The following ANKS1B variants were observed in gnomAD, a reference collection of about 807,000 sequenced individuals.
The protein encoded by ANKS1B is ankyrin repeat and sterile alpha motif domain containing 1B, also known as ankyrin repeat and sterile alpha motif domain-containing protein 1B.
Under a neutral mutation model 148.3 loss-of-function variants are expected in ANKS1B, and 36 were observed. The observed-to-expected ratio is 0.24, with a 90% CI of 0.19 to 0.32. ANKS1B has a LOEUF of 0.32. Ranked by LOEUF, ANKS1B falls within the 10% of genes least tolerant of loss-of-function variation. The pLI is 1.00. For missense variants in ANKS1B, 1,157 were observed against 1,542.6 expected, an observed-to-expected ratio of 0.75 and a Z score of 4.19; for synonymous variants, 542 against 560.8, an observed-to-expected ratio of 0.97 and a Z score of 0.47.
intron 17 of ANKS1B, among the ~76,000 whole-genome samples, chr12:98,882,123 T>C (rs1297481548): frequency 1.3e-5 from 2 of 152,268 alleles, no homozygotes; most frequent in East Asian, 1.9e-4. Flanking sequence ...TTACATAACA[T>C]TGGTGACATA....
At chr12:99,399,171 C>G (rs1025948221) in intron 12 of ANKS1B, among the ~76,000 whole-genome samples, 7 of 152,060 alleles carry the variant, frequency 4.6e-5, no homozygotes, top group Admixed American at 2.0e-4. Flanking sequence ...TCACACCCAG[C>G]ATTTTCTCCC....
chr12:99,909,369 C>T (rs1022016478), intron 1 of ANKS1B, among the ~76,000 whole-genome samples: 3 of 151,988 alleles, frequency 2.0e-5, no homozygotes, highest in Admixed American at 1.3e-4. Context: ...GCTCAGATAT[C>T]TTGACAAGGT....
At chr12:98,812,802 C>T (rs905679966) in intron 19 of ANKS1B, among the ~76,000 whole-genome samples, 3 of 152,062 alleles carry the variant, frequency 2.0e-5, no homozygotes, top group Admixed American at 6.6e-5. Flanking sequence ...GTCTCAAACG[C>T]CTGGCCTCAA....
chr12:99,714,192 T>C (rs2056999950), intron 8 of ANKS1B, among the ~76,000 whole-genome samples: 5 of 152,072 alleles, frequency 3.3e-5, no homozygotes, highest in African/African-American at 1.2e-4. Context: ...TGTCATCACA[T>C]CTCTTTCTCT....
intron 1 of ANKS1B, among the ~76,000 whole-genome samples, chr12:99,929,087 G>C (rs1348344983): frequency 6.6e-6 from 1 of 152,112 alleles, no homozygotes; most frequent in Non-Finnish European, 1.5e-5. Flanking sequence ...TTGTCCAACA[G>C]CATCATGAGA....
At chr12:98,754,389 G>T (rs2098178704) in intron 25 of ANKS1B, among the ~76,000 whole-genome samples, 1 of 152,182 alleles carries the variant, frequency 6.6e-6, no homozygotes, top group Admixed American at 6.5e-5. Context: ...CTTAGTGTTT[G>T]CGTGGGTCCC....
intron 17 of ANKS1B, among the ~76,000 whole-genome samples, chr12:99,006,446 C>T (rs1053752662): frequency 1.3e-5 from 2 of 152,202 alleles, no homozygotes; most frequent in African/African-American, 4.8e-5. Context: ...GCACAAGAGA[C>T]TTATTACCTC....
At chr12:99,124,314 A>G (rs1418822353) in intron 15 of ANKS1B, among the ~76,000 whole-genome samples, 1 of 152,054 alleles carries the variant, frequency 6.6e-6, no homozygotes, top group Non-Finnish European at 1.5e-5. Context: ...TTTGCTGATG[A>G]AATAAATGTG....
chr12:98,854,583 T>C (rs1179323041), intron 17 of ANKS1B, among the ~76,000 whole-genome samples: 1 of 152,244 alleles, frequency 6.6e-6, no homozygotes, highest in African/African-American at 2.4e-5. Context: ...CCCTTCACCA[T>C]GGAGCCAAAG....
intron 8 of ANKS1B, among the ~76,000 whole-genome samples, chr12:99,701,875 A>G (rs2054886002): frequency 6.6e-6 from 1 of 152,070 alleles, no homozygotes; most frequent in Non-Finnish European, 1.5e-5. Context: ...ATAGGATCTC[A>G]CTTTTTATGT....
chr12:99,874,114 C>T (rs550702895), intron 1 of ANKS1B, among the ~76,000 whole-genome samples: 2 of 151,424 alleles, frequency 1.3e-5, no homozygotes, highest in African/African-American at 4.9e-5. Context: ...GAAAACACTA[C>T]CTACCTTTGT....
At chr12:98,854,300 C>G (rs2153785837) in intron 17 of ANKS1B, among the ~76,000 whole-genome samples, 1 of 152,328 alleles carries the variant, frequency 6.6e-6, no homozygotes. Context: ...GGAAATGGTA[C>G]TGTATGGAAC....
intron 12 of ANKS1B, among the ~76,000 whole-genome samples, chr12:99,265,333 A>G (rs2076341826): frequency 6.6e-6 from 1 of 152,194 alleles, no homozygotes; most frequent in Non-Finnish European, 1.5e-5. Context: ...CTAGAAATGC[A>G]TATTCTTAGG....
At chr12:99,825,026 C>G (rs529648520) in intron 2 of ANKS1B, among the ~76,000 whole-genome samples, 1 of 152,122 alleles carries the variant, frequency 6.6e-6, no homozygotes, top group Admixed American at 6.5e-5. Flanking sequence ...ATTCTCTCCC[C>G]CAAAGATACA....
chr12:99,544,354 C>T (rs557095348), intron 9 of ANKS1B, among the ~76,000 whole-genome samples: 1 of 152,106 alleles, frequency 6.6e-6, no homozygotes, highest in Non-Finnish European at 1.5e-5. Flanking sequence ...TGTTCAGATC[C>T]ATTTTCTGGA....
At chr12:99,383,848 A>C (rs568568379) in intron 12 of ANKS1B, among the ~76,000 whole-genome samples, 241 of 134,966 alleles carry the variant, frequency 1.8e-3, no homozygotes, top group African/African-American at 7.1e-3. Flanking sequence ...CCCCATCTCT[A>C]CAAAAAAAAA....
At chr12:98,846,027 T>C (rs796605524) in intron 17 of ANKS1B, among the ~76,000 whole-genome samples, 3 of 141,692 alleles carry the variant, frequency 2.1e-5, no homozygotes, top group African/African-American at 6.1e-5. Context: ...CATACACACA[T>C]ATATATATAT....
chr12:99,029,912 C>T (rs921202130), intron 17 of ANKS1B, among the ~76,000 whole-genome samples: 2 of 152,222 alleles, frequency 1.3e-5, no homozygotes, highest in African/African-American at 4.8e-5. Flanking sequence ...ACCTGCCTTA[C>T]CAGACTATAA....
intron 17 of ANKS1B, among the ~76,000 whole-genome samples, chr12:98,903,273 G>A (rs1296118038): frequency 6.6e-6 from 1 of 151,936 alleles, no homozygotes; most frequent in East Asian, 1.9e-4. Context: ...TGTTACTGGG[G>A]ACCCAACTCT....
Sources: gnomAD v4.1 joint callset for allele counts (sites outside exome capture counted in the v4.1 genomes callset) on GRCh38, gnomAD v4.1.1 for gene constraint, MANE v1.5 for transcripts, NCBI Gene and HGNC (gene_info 2026-07-23, HGNC 2026-07-21) for gene names.